ARHGAP44: variants seen among roughly 807,000 people sequenced by gnomAD.
ARHGAP44 encodes the protein rho GTPase-activating protein 44.
A neutral mutation model predicts 106.8 loss-of-function variants in ARHGAP44; 43 were observed. The observed-to-expected ratio is 0.40, with a 90% CI of 0.32 to 0.52. ARHGAP44 has a LOEUF of 0.52. Among genes scored for constraint, ARHGAP44 ranks in the 20% least tolerant of loss-of-function variants. The pLI is 0.48. For synonymous variants in ARHGAP44, 439 were observed against 410.3 expected, an observed-to-expected ratio of 1.07 and a Z score of -0.85; for missense variants, 866 against 1,050.5, an observed-to-expected ratio of 0.82 and a Z score of 2.43.
chr17:12,897,683 G>A (rs1299996728), intron 3 of ARHGAP44, among the ~76,000 whole-genome samples: 2 of 150,282 alleles, frequency 1.3e-5, no homozygotes, highest in Non-Finnish European at 3.0e-5. Flanking sequence ...TGGGGGTGCT[G>A]GAGCCAAGCC....
chr17:12,871,152 A>G (rs772991534), intron 1 of ARHGAP44, among the ~76,000 whole-genome samples: 1 of 152,218 alleles, frequency 6.6e-6, no homozygotes, highest in Non-Finnish European at 1.5e-5. Context: ...GGCTCCTTAA[A>G]TGTAGTTCCT....
At position 12,958,880 on chromosome 17, in the gene ARHGAP44, G is replaced by A. The variant is rs758680963; in HGVS notation, c.1506G>A (p.Glu502=). 9 of 1,608,404 alleles carry A rather than the reference G, an allele frequency of 5.6e-6. No homozygotes were observed. In the Admixed American group the frequency reaches 8.5e-5, roughly 15 times the overall value. The change falls in exon 16 of 21, where the codon GAG becomes GAA. Residue 502 remains glutamate, a synonymous_variant. Coordinates refer to ENST00000379672, the MANE Select transcript of ARHGAP44 (RefSeq NM_014859.6). The surrounding 1 kb of genome is among the most constrained non-coding windows in gnomAD (Gnocchi z 4.1). ...LSVATDNMML[E]FYKKDGLRKI... is the part of the protein sequence containing the mutation. ...TCGCCACGGATAATATGATGCTGGAGTTTTACAAAAAGGATGGGTATGAAC... is the reference window on the plus strand; with the variant it reads ...TCGCCACGGATAATATGATGCTGGAATTTTACAAAAAGGATGGGTATGAAC...
At chr17:12,793,622 C>G (rs1286900569) in intron 1 of ARHGAP44, among the ~76,000 whole-genome samples, 1 of 151,916 alleles carries the variant, frequency 6.6e-6, no homozygotes, top group African/African-American at 2.4e-5. Flanking sequence ...GCGGGAGAAT[C>G]GCTTGAACCC....
chr17:12,844,116 C>G (rs909334607), intron 1 of ARHGAP44, among the ~76,000 whole-genome samples: 3 of 152,152 alleles, frequency 2.0e-5, no homozygotes, highest in African/African-American at 7.2e-5. Context: ...AGCAAGAAAT[C>G]TGGAAAGTTT....
At chr17:12,987,603 C>T (rs1316364694) in intron 20 of ARHGAP44, 1 of 154,266 alleles carries the variant, frequency 6.5e-6, no homozygotes, top group African/African-American at 2.4e-5. Flanking sequence ...CAGGTGCAGC[C>T]CAGCACAGGG....
chr17:12,981,931 A>G (rs1472240211), intron 19 of ARHGAP44, among the ~76,000 whole-genome samples: 1 of 152,102 alleles, frequency 6.6e-6, no homozygotes, highest in Non-Finnish European at 1.5e-5. Flanking sequence ...GAATTGCTTG[A>G]ACCTGGGAGG....
chr17:12,836,293 G>A (rs1444800524), intron 1 of ARHGAP44, among the ~76,000 whole-genome samples: 2 of 152,100 alleles, frequency 1.3e-5, no homozygotes, highest in Admixed American at 6.5e-5. Flanking sequence ...AAAGAAAGGT[G>A]GAGTGTATTT....
chr17:12,811,298 G>A (rs1267751129), intron 1 of ARHGAP44, among the ~76,000 whole-genome samples: 1 of 147,586 alleles, frequency 6.8e-6, no homozygotes, highest in Non-Finnish European at 1.5e-5. Context: ...GGGTGACAGA[G>A]TGAGACTCCT....
chr17:12,987,229 G>A (rs571127466), intron 20 of ARHGAP44: 49 of 1,307,730 alleles, frequency 3.7e-5, no homozygotes, highest in East Asian at 5.1e-5. Flanking sequence ...TCCGCTCCTC[G>A]TCTCTGCATG....
At position 12,947,843 on chromosome 17, in the gene ARHGAP44, A is replaced by G. The variant is rs372502299; in HGVS notation, c.862-1297A>G. 3.9e-5 allele frequency among the ~76,000 whole-genome samples: 6 copies of G among 152,330 alleles called. No homozygotes were observed. In the South Asian group the frequency reaches 8.3e-4, roughly 21 times the overall value. On this transcript the variant is annotated intron_variant, in intron 10 of 20. Transcript: ENST00000379672. ...GCCTTACTGATACACTCATCCAAAC[A>G]TGTTCATGTAGCTTCCTCACATATA...
intron 6 of ARHGAP44, among the ~76,000 whole-genome samples, chr17:12,925,807 C>T (rs2038214234): frequency 6.6e-6 from 1 of 152,158 alleles, no homozygotes; most frequent in African/African-American, 2.4e-5. Context: ...CAGAGCAGCC[C>T]AACTCTTGAG....
intron 1 of ARHGAP44, among the ~76,000 whole-genome samples, chr17:12,881,918 C>T (rs567386632): frequency 6.6e-6 from 1 of 152,250 alleles, no homozygotes; most frequent in South Asian, 2.1e-4. Flanking sequence ...CAAGACCAGT[C>T]TTGGCCTCTT....
intron 6 of ARHGAP44, among the ~76,000 whole-genome samples, chr17:12,926,596 G>A (rs923279889): frequency 6.7e-6 from 1 of 148,806 alleles, no homozygotes; most frequent in African/African-American, 2.5e-5. Context: ...AAGGGGAAAT[G>A]TATATGTTTT....
At chr17:12,952,415 A>G in intron 12 of ARHGAP44, 86 bp from the exon 13 acceptor site, 1 of 1,137,890 alleles carries the variant, frequency 8.8e-7, no homozygotes, top group East Asian at 2.6e-5. Context: ...GTTGGTATCA[A>G]ATATTACAAT....
intron 1 of ARHGAP44, among the ~76,000 whole-genome samples, chr17:12,885,663 T>C (rs971109963): frequency 6.6e-6 from 1 of 152,180 alleles, no homozygotes; most frequent in African/African-American, 2.4e-5. Flanking sequence ...TTATCTGTCT[T>C]CATTGGTTAA....
At chr17:12,913,117 T>C (rs907401276) in intron 4 of ARHGAP44, among the ~76,000 whole-genome samples, 1 of 152,206 alleles carries the variant, frequency 6.6e-6, no homozygotes, top group African/African-American at 2.4e-5. Context: ...ATGAAATTCA[T>C]TTACATGATG....
Position 12,947,386 on chromosome 17 carries a change from G to A in ARHGAP44, c.862-1754G>A, listed in dbSNP as rs767717222. On this transcript the variant is annotated intron_variant, in intron 10 of 20. Coordinates refer to ENST00000379672, the MANE Select transcript of ARHGAP44 (RefSeq NM_014859.6). Reference sequence around the variant, plus strand: ...TGGCCTCTGACCACAGGGGCATCAGGGTTCTCTGTTTAGCACCATGGTCCC... The same window carrying A: ...TGGCCTCTGACCACAGGGGCATCAGAGTTCTCTGTTTAGCACCATGGTCCC... 2.6e-5 allele frequency among the ~76,000 whole-genome samples: 4 copies of A among 152,124 alleles called. No homozygotes were observed. The South Asian group carries it at 6.2e-4, about 24-fold the overall frequency.
intron 1 of ARHGAP44, among the ~76,000 whole-genome samples, chr17:12,830,181 G>A (rs965310210): frequency 2.6e-5 from 4 of 152,156 alleles, no homozygotes; most frequent in African/African-American, 9.7e-5. Context: ...TTGCCAAAAA[G>A]AACTATGAGT....
intron 1 of ARHGAP44, among the ~76,000 whole-genome samples, chr17:12,874,184 C>A (rs1230500942): frequency 6.6e-6 from 1 of 152,162 alleles, no homozygotes; most frequent in Non-Finnish European, 1.5e-5. Flanking sequence ...GAAAAAGAGG[C>A]TGACGGTTGA....
Sources: gnomAD v4.1 joint callset for allele counts (sites outside exome capture counted in the v4.1 genomes callset) on GRCh38, gnomAD v4.1.1 for gene constraint, Gnocchi (gnomAD v3.1) non-coding constraint, MANE v1.5 for transcripts, NCBI Gene and HGNC (gene_info 2026-07-23, HGNC 2026-07-21) for gene names.